Variants in MATR3 observed in about 807,000 individuals in gnomAD.
MATR3 encodes the protein matrin-3.
MATR3 carries 4 observed loss-of-function variants against 85.5 expected under a neutral mutation model. The ratio of observed to expected loss-of-function variants is 0.05; its 90% CI spans 0.02 to 0.11. The LOEUF (loss-of-function observed/expected upper bound fraction) is 0.11. Ranked by LOEUF, MATR3 falls within the 10% of genes least tolerant of loss-of-function variation. MATR3 has a pLI of 1.00. For synonymous variants in MATR3, 336 were observed against 343.1 expected (o/e 0.98, Z 0.23); for missense variants, 685 against 1,016.1 (o/e 0.67, Z 4.43).
At chr5:139,315,987 C>T (rs1430272125) in intron 4 of MATR3, 89 bp from the exon 5 acceptor site, 3 of 988,930 alleles carry the variant, frequency 3.0e-6, no homozygotes, top group East Asian at 4.8e-5. Flanking sequence ...TGGTTGTGGT[C>T]ATATATTGGG....
At chr5:139,280,085 C>T (rs1273037970) in intron 3 of MATR3, 1 of 152,182 alleles carries the variant, frequency 6.6e-6, no homozygotes, top group Non-Finnish European at 1.5e-5. Context: ...CTTGTTCAGC[C>T]ATGTGGTTTT....
Position 139,331,244 on chromosome 5 carries a change from A to G in MATR3, c.*1849A>G. ...AAAAGTAGGTGATGATTTTAATGTG[A>G]CATGCACAAAAAATCCTTGCCAGTT... On this transcript the variant is annotated 3_prime_UTR_variant, in exon 15 of 15. Transcript: ENST00000394805. 1 of 454,150 alleles carries G rather than the reference A, an allele frequency of 2.2e-6. No individual in the cohort carries two copies. The highest frequency in any genetic ancestry group is 4.4e-6 in the Non-Finnish European group (1 of 226,800). 28.1% of individuals were successfully genotyped at this position (454,150 alleles called of 1,614,324 possible). A position where few individuals can be genotyped will look rare whatever the true frequency, so the allele number is the denominator to read the frequency against.
rs1476878611 is a variant in MATR3 at position 139,330,478 on chromosome 5, C to T, written c.*1083C>T. 1 of 454,300 alleles carries T rather than the reference C, an allele frequency of 2.2e-6. No homozygotes were observed. The highest frequency in any genetic ancestry group is 2.3e-5 in the Admixed American group (1 of 42,568). The allele number at this position is 454,300 out of a possible 1,614,324, so 28.1% of individuals were successfully genotyped here. A position where few individuals can be genotyped will look rare whatever the true frequency, so the allele number is the denominator to read the frequency against. On this transcript the variant is annotated 3_prime_UTR_variant, in exon 15 of 15. Transcript: ENST00000394805. ...GTTGTGGTTTTTATTCGCTCTTAAA[C>T]TTTGTGCATGCTTTAACAATTTATT...
intron 1 of MATR3, among the ~76,000 whole-genome samples, chr5:139,296,090 A>G (rs1368108600): frequency 1.3e-5 from 2 of 152,202 alleles, no homozygotes; most frequent in Non-Finnish European, 2.9e-5. Context: ...TTCATAGTAT[A>G]ATAGGCTTAA....
At chr5:139,325,067 C>G (rs1342187331) in intron 12 of MATR3, among the ~76,000 whole-genome samples, 2 of 152,036 alleles carry the variant, frequency 1.3e-5, no homozygotes, top group Admixed American at 1.3e-4. Context: ...GTGGCGTGCG[C>G]CTGTAGTCCC....
intron 2 of MATR3, among the ~76,000 whole-genome samples, chr5:139,277,132 G>C (rs1049971238): frequency 5.3e-5 from 8 of 151,498 alleles, no homozygotes; most frequent in Admixed American, 2.0e-4. Flanking sequence ...ACCACAACCA[G>C]ATAATTTTTT....
At position 139,329,708 on chromosome 5, in the gene MATR3, A is replaced by G. The variant is rs180806333; in HGVS notation, c.*313A>G. On this transcript the variant is annotated 3_prime_UTR_variant, in exon 15 of 15. Coordinates refer to ENST00000394805, the MANE Select transcript of MATR3 (RefSeq NM_018834.6). ...AATGTAGAACCATTTGGAAAAATGA[A>G]ATTTAGTAGTTCCAAGTTTCAAAGA... 1.3e-3 allele frequency: 618 copies of G among 464,158 alleles called. 4 individuals carry two copies. Among genetic ancestry groups the G allele is most frequent in the African/African-American group, 9.3e-3 (471 of 50,406 alleles). The allele number at this position is 464,158 out of a possible 1,614,324, so 28.8% of individuals were successfully genotyped here.
chr5:139,314,481 G>A (rs1236690880), intron 2 of MATR3, 194 bp from the exon 3 acceptor site: 20 of 560,954 alleles, frequency 3.6e-5, no homozygotes, highest in Admixed American at 5.4e-5. Flanking sequence ...TGTGCATAGC[G>A]TATTTGAGGG....
chr5:139,311,821 A>T (rs1754997848), intron 2 of MATR3: 1 of 117,402 alleles, frequency 8.5e-6, no homozygotes, highest in Admixed American at 1.3e-4. Flanking sequence ...AGGCTGGAGT[A>T]CAGTGGCGTG....
intron 9 of MATR3, 55 bp from the exon 10 acceptor site, chr5:139,321,839 GTTTT>G: frequency 6.4e-7 from 1 of 1,561,538 alleles, no homozygotes; most frequent in Non-Finnish European, 8.8e-7. Context: ...ACATAATAAG[GTTTT>G]ATACAATTTT....
rs761066659 is a variant in MATR3, at chr5:139,319,351, A to T, written c.1452A>T (p.Pro484=). The T allele has an allele frequency of 2.5e-6, 4 of 1,614,178 alleles. No homozygotes were observed. The South Asian group carries it at 4.4e-5, about 18-fold the overall frequency. ...TATTAAAGAAACCTGAAGGAAAGCC[A>T]GATCAGAAGTTTGATCAAAAGCAAG... is the stretch of plus-strand genomic sequence containing the variant. ...YKRIKKPEGK[P]DQKFDQKQEL... is the part of the protein sequence containing the mutation. The change falls in exon 9 of 15, where the codon CCA becomes CCT. Residue 484 remains proline, a synonymous_variant. Transcript: ENST00000394805.
intron 9 of MATR3, among the ~76,000 whole-genome samples, chr5:139,319,805 C>G (rs1017751291): frequency 7.6e-5 from 11 of 145,360 alleles, no homozygotes; most frequent in Non-Finnish European, 4.5e-5. Flanking sequence ...GATTGCACCA[C>G]TGCACTCCAG....
In MATR3 at chr5:139,293,760, C is replaced by G. The variant is rs1441000698; in HGVS notation, c.-223C>G. The G allele has an allele frequency of 2.6e-6, 1 of 386,062 alleles. No homozygotes were observed. The highest frequency in any genetic ancestry group is 4.6e-6 in the Non-Finnish European group (1 of 218,598). 23.9% of individuals were successfully genotyped at this position (386,062 alleles called of 1,614,324 possible). ...ATTGTGGGAGTCTCCGCGTCCCGCTCGCTGGGAGAGAGGTACCTCTCCTTT... is the reference window on the plus strand; with the variant it reads ...ATTGTGGGAGTCTCCGCGTCCCGCTGGCTGGGAGAGAGGTACCTCTCCTTT... On this transcript the variant is annotated 5_prime_UTR_variant, in exon 1 of 15. Coordinates refer to ENST00000394805, the MANE Select transcript of MATR3 (RefSeq NM_018834.6).
chr5:139,294,254 T>G (rs1451946018), intron 1 of MATR3, among the ~76,000 whole-genome samples: 1 of 152,192 alleles, frequency 6.6e-6, no homozygotes, highest in Non-Finnish European at 1.5e-5. Context: ...GCTTGCCGTT[T>G]GAGGAGGATG....
At chr5:139,323,722 C>T (rs895554811) in intron 12 of MATR3, among the ~76,000 whole-genome samples, 1 of 152,064 alleles carries the variant, frequency 6.6e-6, no homozygotes, top group African/African-American at 2.4e-5. Flanking sequence ...GGTGAAACCC[C>T]GTCTCTACTA....
At chr5:139,275,522 CT>C (rs1205841597) in intron 1 of MATR3, among the ~76,000 whole-genome samples, 1 of 152,086 alleles carries the variant, frequency 6.6e-6, no homozygotes, top group Non-Finnish European at 1.5e-5. Context: ...CCATCTAAGC[CT>C]TTTTTGGAAT....
At chr5:139,306,173 A>G (rs1204899435) in intron 1 of MATR3, among the ~76,000 whole-genome samples, 1 of 152,168 alleles carries the variant, frequency 6.6e-6, no homozygotes, top group African/African-American at 2.4e-5. Flanking sequence ...TTTTATGACA[A>G]TCGTGATATA....
At chr5:139,309,640 G>A (rs1754871146) in intron 2 of MATR3, among the ~76,000 whole-genome samples, 1 of 152,042 alleles carries the variant, frequency 6.6e-6, no homozygotes, top group African/African-American at 2.4e-5. Flanking sequence ...TTAAGAAGAT[G>A]TATTTTCATT....
At position 139,322,710 on chromosome 5, in the gene MATR3, T is replaced by A; in HGVS notation, c.1891T>A (p.Ser631Thr). 6.2e-7 allele frequency: 1 copy of A among 1,614,054 alleles called. No homozygotes were observed. The highest frequency in any genetic ancestry group is 8.5e-7 in the Non-Finnish European group (1 of 1,179,996). The change falls in exon 12 of 15, where the codon TCC (serine) becomes ACC (threonine). Residue 631 changes from serine to threonine, a missense_variant. Transcript: ENST00000394805. ...CGAAGGTAAAGAACAAGAAGAGAAGTCCGGTGAAGATGGTGAGAAAGACAC... is the reference window on the plus strand; with the variant it reads ...CGAAGGTAAAGAACAAGAAGAGAAGACCGGTGAAGATGGTGAGAAAGACAC... ...STEGKEQEEK[S>T]GEDGEKDTKD...
Sources: gnomAD v4.1 joint callset for allele counts (sites outside exome capture counted in the v4.1 genomes callset) on GRCh38, gnomAD v4.1.1 for gene constraint, MANE v1.5 for transcripts, NCBI Gene and HGNC (gene_info 2026-07-23, HGNC 2026-07-21) for gene names.